Variants in GNAI1 observed in about 807,000 individuals in gnomAD.
GNAI1 encodes guanine nucleotide-binding protein G(i) subunit alpha-1.
A neutral mutation model predicts 38.9 loss-of-function variants in GNAI1; 11 were observed. The observed-to-expected ratio is 0.28, with a 90% CI of 0.18 to 0.47. GNAI1 has a LOEUF of 0.47. GNAI1 is among the 20% of genes least tolerant of loss of function. The pLI is 0.99. For missense variants in GNAI1, 317 were observed against 436.9 expected (o/e 0.73, Z 2.45); for synonymous variants, 166 against 145.1 (o/e 1.14, Z -1.04).
chr7:80,169,331 G>T (rs1788064196), intron 1 of GNAI1, among the ~76,000 whole-genome samples: 1 of 152,152 alleles, frequency 6.6e-6, no homozygotes, highest in South Asian at 2.1e-4. Flanking sequence ...CCTCCTGAGG[G>T]AATCCTTTTG....
chr7:80,159,829 T>G (rs1489475955), intron 1 of GNAI1, among the ~76,000 whole-genome samples: 1 of 152,160 alleles, frequency 6.6e-6, no homozygotes, highest in Non-Finnish European at 1.5e-5. Flanking sequence ...TTTCTAGATT[T>G]CTGGGGAACT....
chr7:80,176,530 C>T (rs1382558964), intron 1 of GNAI1, among the ~76,000 whole-genome samples: 1 of 152,200 alleles, frequency 6.6e-6, no homozygotes, highest in East Asian at 1.9e-4. Context: ...CAGTGCCTGG[C>T]TTCAGAGCTA....
chr7:80,186,591 A>G (rs1000219069), intron 1 of GNAI1, among the ~76,000 whole-genome samples: 2 of 152,058 alleles, frequency 1.3e-5, no homozygotes, highest in Admixed American at 1.3e-4. Flanking sequence ...CCTTTCGTGG[A>G]TCTCAAAACT....
Position 80,225,195 on chromosome 7 carries a change from C to G in GNAI1, c.*7702C>G, listed in dbSNP as rs1343413813. On this transcript the variant is annotated 3_prime_UTR_variant, in exon 8 of 8. Transcript: ENST00000649796. ...TATCGTTTGGTTTGGTGTAATATAG[C>G]CTTTCCTGTGGGGGGAAAACCCATC... Among the ~76,000 whole-genome samples the G allele has an allele frequency of 2.0e-5, 3 of 152,100 alleles. No homozygotes were observed. The highest frequency in any genetic ancestry group is 4.4e-5 in the Non-Finnish European group (3 of 68,018).
intron 1 of GNAI1, among the ~76,000 whole-genome samples, chr7:80,168,512 C>T (rs1207531200): frequency 2.0e-5 from 3 of 152,052 alleles, no homozygotes; most frequent in Non-Finnish European, 2.9e-5. Flanking sequence ...CTCAGCCTCC[C>T]GAGTAGCTGG....
intron 1 of GNAI1, among the ~76,000 whole-genome samples, chr7:80,168,175 T>C (rs1306524310): frequency 3.9e-5 from 6 of 152,090 alleles, no homozygotes; most frequent in Non-Finnish European, 7.4e-5. Context: ...GACTAGAGAA[T>C]ATACAAGAAA....
At position 80,193,788 on chromosome 7, in the gene GNAI1, T is replaced by G. The variant is rs956337526; in HGVS notation, c.303+4557T>G. ...TTTTAAAATATTAATTTATATTTTGTGTGTCATTTAATTTTTTCTACTATT... is the reference window on the plus strand; with the variant it reads ...TTTTAAAATATTAATTTATATTTTGGGTGTCATTTAATTTTTTCTACTATT... On this transcript the variant is annotated intron_variant, in intron 3 of 7. Transcript: ENST00000649796. Among the ~76,000 whole-genome samples the G allele has an allele frequency of 5.3e-5, 8 of 152,332 alleles. No individual in the cohort carries two copies. In the South Asian group the frequency reaches 1.7e-3, roughly 32 times the overall value.
At chr7:80,178,682 G>A (rs1788237701) in intron 1 of GNAI1, among the ~76,000 whole-genome samples, 1 of 152,152 alleles carries the variant, frequency 6.6e-6, no homozygotes, top group African/African-American at 2.4e-5. Flanking sequence ...ATAGACTATG[G>A]TAGAGTGTGA....
At chr7:80,169,591 T>G (rs1048522241) in intron 1 of GNAI1, among the ~76,000 whole-genome samples, 1 of 152,188 alleles carries the variant, frequency 6.6e-6, no homozygotes, top group African/African-American at 2.4e-5. Flanking sequence ...GGGAAGTCAT[T>G]GAAATGTCTA....
intron 1 of GNAI1, among the ~76,000 whole-genome samples, chr7:80,175,342 A>G (rs1301141242): frequency 6.6e-6 from 1 of 151,030 alleles, no homozygotes; most frequent in East Asian, 1.9e-4. Context: ...AAGGAAATTA[A>G]AAAATATATA....
chr7:80,136,347 G>C (rs1030756725), intron 1 of GNAI1, among the ~76,000 whole-genome samples: 2 of 152,116 alleles, frequency 1.3e-5, no homozygotes, highest in Admixed American at 1.3e-4. Flanking sequence ...TTTTATACCA[G>C]TTATAATAAA....
At chr7:80,198,088 T>G (rs891391981) in intron 3 of GNAI1, among the ~76,000 whole-genome samples, 6 of 152,000 alleles carry the variant, frequency 3.9e-5, no homozygotes, top group South Asian at 2.1e-4. Flanking sequence ...GTTTTGTTTT[T>G]TTTTTAATTG....
At chr7:80,173,423 C>T (rs1420742572) in intron 1 of GNAI1, among the ~76,000 whole-genome samples, 1 of 152,120 alleles carries the variant, frequency 6.6e-6, no homozygotes, top group Non-Finnish European at 1.5e-5. Flanking sequence ...CCTCCTGAGC[C>T]CCTATATTCT....
At chr7:80,143,343 G>T (rs952095394) in intron 1 of GNAI1, among the ~76,000 whole-genome samples, 2 of 152,046 alleles carry the variant, frequency 1.3e-5, no homozygotes. Context: ...GTTGATCTTG[G>T]GGGGTGGAGG....
rs776965767 is a variant in GNAI1, at chr7:80,135,284, G to A, written c.118+6G>A. 3.4e-6 allele frequency: 5 copies of A among 1,453,980 alleles called. No individual in the cohort carries two copies. In the African/African-American group the frequency reaches 4.4e-5, roughly 13 times the overall value. 90.1% of individuals were successfully genotyped at this position (1,453,980 alleles called of 1,614,324 possible). A position where few individuals can be genotyped will look rare whatever the true frequency, so the allele number is the denominator to read the frequency against. The stretch of plus-strand genomic sequence containing the variant: ...GGTCAAGCTGCTGCTGCTCGGTAAG[G>A]GCGGCCGGGTCGGGGCCCGGGGGTC... On this transcript the variant is annotated splice_donor_region_variant and intron_variant, in intron 1 of 7. Coordinates refer to ENST00000649796, the MANE Select transcript of GNAI1 (RefSeq NM_002069.6).
rs1789114802 is a variant in GNAI1, at chr7:80,223,563, A to G, written c.*6070A>G. On this transcript the variant is annotated 3_prime_UTR_variant, in exon 8 of 8. Coordinates refer to ENST00000649796, the MANE Select transcript of GNAI1 (RefSeq NM_002069.6). ...GTCAAAGCTACTTCTAAACAGCTCTATCTTTAATTTCTATTAAATAGTACT... is the reference window on the plus strand; with the variant it reads ...GTCAAAGCTACTTCTAAACAGCTCTGTCTTTAATTTCTATTAAATAGTACT... Among the ~76,000 whole-genome samples, 1 of 152,218 alleles carries G rather than the reference A, an allele frequency of 6.6e-6. No individual in the cohort carries two copies. The highest frequency in any genetic ancestry group is 2.1e-4 in the South Asian group (1 of 4,834).
At chr7:80,195,041 A>C (rs943011504) in intron 3 of GNAI1, among the ~76,000 whole-genome samples, 3 of 152,006 alleles carry the variant, frequency 2.0e-5, no homozygotes, top group Non-Finnish European at 4.4e-5. Flanking sequence ...TTTGAAATGA[A>C]TGTGTGCTTC....
chr7:80,164,466 A>G (rs1032100289), intron 1 of GNAI1, among the ~76,000 whole-genome samples: 9 of 150,608 alleles, frequency 6.0e-5, no homozygotes, highest in African/African-American at 2.2e-4. Flanking sequence ...GGGTTATGCC[A>G]TTCTCCTGCC....
chr7:80,162,568 A>T (rs900248740), intron 1 of GNAI1, among the ~76,000 whole-genome samples: 2 of 152,206 alleles, frequency 1.3e-5, no homozygotes, highest in African/African-American at 4.8e-5. Context: ...AATCAGCTGA[A>T]TTCTTTTCAG....
Sources: allele counts gnomAD v4.1 joint callset (sites outside exome capture counted in the v4.1 genomes callset), GRCh38; gene constraint gnomAD v4.1.1; transcripts MANE v1.5; gene names NCBI Gene and HGNC (gene_info 2026-07-23, HGNC 2026-07-21).